Variants in RHOA observed in about 807,000 individuals in gnomAD.
RHOA encodes the protein ras homolog family member A.
Under a neutral mutation model 17.5 loss-of-function variants are expected in RHOA, and 3 were observed. The observed-to-expected ratio is 0.17, with a 90% CI of 0.08 to 0.44. RHOA has a LOEUF of 0.44. Among genes scored for constraint, RHOA ranks in the 20% least tolerant of loss-of-function variants. RHOA has a pLI of 0.99. For missense variants in RHOA, 56 were observed against 242.3 expected (o/e 0.23, Z 5.10); for synonymous variants, 98 against 88.4 (o/e 1.11, Z -0.61).
chr3:49,403,485 CGAGA>C (rs1378277392), intron 1 of RHOA, among the ~76,000 whole-genome samples: 1 of 151,660 alleles, frequency 6.6e-6, no homozygotes, highest in Non-Finnish European at 1.5e-5. Context: ...GAGGTTGAGA[CGAGA>C]GAATCACTTA....
chr3:49,382,358 G>T (rs1445292032), intron 1 of RHOA, among the ~76,000 whole-genome samples: 1 of 151,852 alleles, frequency 6.6e-6, no homozygotes, highest in Non-Finnish European at 1.5e-5. Flanking sequence ...ATAGACACTG[G>T]GCGTGGTGGC....
At chr3:49,377,064 GT>G (rs2048239535) in intron 1 of RHOA, among the ~76,000 whole-genome samples, 9 of 152,158 alleles carry the variant, frequency 5.9e-5, no homozygotes. Context: ...GGAGGCAGAG[GT>G]TGTGGTGAGC....
intron 3 of RHOA, chr3:49,366,769 C>A (rs1365878085): frequency 1.3e-5 from 2 of 152,098 alleles, no homozygotes; most frequent in Admixed American, 6.6e-5. Flanking sequence ...CTTGGAGCAA[C>A]CCCAGTTATC....
intron 1 of RHOA, among the ~76,000 whole-genome samples, chr3:49,394,967 C>T (rs991481156): frequency 4.4e-4 from 67 of 151,754 alleles, no homozygotes; most frequent in Non-Finnish European, 9.3e-4. Flanking sequence ...AAGAATTTGG[C>T]GGTCGGGCGC....
chr3:49,362,751 A>C (rs1347676701), intron 3 of RHOA, 125 bp from the exon 4 acceptor site: 1 of 753,436 alleles, frequency 1.3e-6, no homozygotes. Context: ...ACATTTAATG[A>C]AACTCACTAG....
At chr3:49,390,428 C>T (rs1225141131) in intron 1 of RHOA, among the ~76,000 whole-genome samples, 8 of 152,078 alleles carry the variant, frequency 5.3e-5, no homozygotes, top group Non-Finnish European at 1.2e-4. Context: ...TGCACCCAGC[C>T]TTAATTTTTG....
At position 49,408,225 on chromosome 3, in the gene RHOA, T is replaced by C. The variant is rs1046371312; in HGVS notation, c.-3+3595A>G. Among the ~76,000 whole-genome samples the C allele has an allele frequency of 4.6e-5, 7 of 151,494 alleles. No individual in the cohort carries two copies. The South Asian group carries it at 6.2e-4, about 13-fold the overall frequency. ...ATACACACACGTATATGTACACATA[T>C]ATATACGTATACACGTATATGTACA... On this transcript the variant is annotated intron_variant, in intron 1 of 4. Transcript: ENST00000418115.
At chr3:49,398,237 T>C (rs532401734) in intron 1 of RHOA, among the ~76,000 whole-genome samples, 137 of 151,800 alleles carry the variant, frequency 9.0e-4, no homozygotes, top group African/African-American at 3.2e-3. Context: ...TGTGGTCCCA[T>C]CTACTCAGGA....
chr3:49,395,841 A>T (rs1205406467), intron 1 of RHOA, among the ~76,000 whole-genome samples: 1 of 152,146 alleles, frequency 6.6e-6, no homozygotes, highest in African/African-American at 2.4e-5. Flanking sequence ...CCCTAATGGA[A>T]GGGGAGGTGG....
At chr3:49,398,161 G>A (rs184862829) in intron 1 of RHOA, among the ~76,000 whole-genome samples, 1 of 151,872 alleles carries the variant, frequency 6.6e-6, no homozygotes, top group Admixed American at 6.6e-5. Context: ...AGGAGTTTGA[G>A]ACCACCCCGG....
chr3:49,411,352 G>A (rs4855874), intron 1 of RHOA, among the ~76,000 whole-genome samples: 148,681 of 152,366 alleles, frequency 0.98, 72,659 homozygotes, highest in Middle Eastern at 1. Context: ...TAATCAATAT[G>A]AAACAGTGAT....
chr3:49,385,282 G>A (rs1220550148), intron 1 of RHOA, among the ~76,000 whole-genome samples: 8 of 147,938 alleles, frequency 5.4e-5, no homozygotes, highest in African/African-American at 1.5e-4. Context: ...GTGCAGTGGC[G>A]CGATCTTGGC....
intron 1 of RHOA, among the ~76,000 whole-genome samples, chr3:49,407,333 A>G (rs1168657382): frequency 6.9e-6 from 1 of 145,728 alleles, no homozygotes; most frequent in Non-Finnish European, 1.5e-5. Flanking sequence ...TCCCAGGTTA[A>G]AGTGATTCTC....
intron 3 of RHOA, among the ~76,000 whole-genome samples, chr3:49,365,916 G>A (rs932262384): frequency 6.6e-5 from 10 of 152,048 alleles, no homozygotes; most frequent in Admixed American, 4.6e-4. Flanking sequence ...TTAACCAAGC[G>A]CAGCAGTGTG....
At chr3:49,399,926 A>G (rs2048693569) in intron 1 of RHOA, among the ~76,000 whole-genome samples, 1 of 152,142 alleles carries the variant, frequency 6.6e-6, no homozygotes, top group African/African-American at 2.4e-5. Context: ...TGAACTCAAG[A>G]AACTACAGAA....
intron 1 of RHOA, chr3:49,406,791 T>C (rs1287058380): frequency 4.6e-5 from 7 of 151,532 alleles, no homozygotes; most frequent in Non-Finnish European, 5.9e-5. Flanking sequence ...CTGGGCAACA[T>C]AGCAAGACAC....
At chr3:49,405,200 G>A (rs1400959555) in intron 1 of RHOA, among the ~76,000 whole-genome samples, 1 of 148,912 alleles carries the variant, frequency 6.7e-6, no homozygotes, top group Non-Finnish European at 1.5e-5. Flanking sequence ...GGAGGTTGCA[G>A]TGAGCCGAGA....
At chr3:49,369,707 C>T (rs1161062912) in intron 2 of RHOA, among the ~76,000 whole-genome samples, 1 of 150,836 alleles carries the variant, frequency 6.6e-6, no homozygotes, top group Non-Finnish European at 1.5e-5. Flanking sequence ...TGCACTCCAG[C>T]ACTCCAGCAT....
intron 1 of RHOA, among the ~76,000 whole-genome samples, chr3:49,378,010 G>A (rs2048259643): frequency 6.6e-6 from 1 of 151,384 alleles, no homozygotes; most frequent in Non-Finnish European, 1.5e-5. Flanking sequence ...TTAGCCGGGT[G>A]TGGTGGTGGG....
Sources: allele counts gnomAD v4.1 joint callset (sites outside exome capture counted in the v4.1 genomes callset), GRCh38; gene constraint gnomAD v4.1.1; transcripts MANE v1.5; gene names NCBI Gene and HGNC (gene_info 2026-07-23, HGNC 2026-07-21).